Variants in ADCY1 observed in about 807,000 individuals in gnomAD.
The protein encoded by ADCY1 is adenylate cyclase type 1.
Under a neutral mutation model 105.4 loss-of-function variants are expected in ADCY1, and 28 were observed. That is an observed-to-expected ratio of 0.27 (90% CI 0.20 to 0.36). The LOEUF is 0.36. ADCY1 is among the 10% of genes least tolerant of loss of function. The pLI, the probability that ADCY1 is intolerant of heterozygous loss-of-function variation, is 1.00. For synonymous variants in ADCY1, 655 were observed against 623.8 expected, an observed-to-expected ratio of 1.05 and a Z score of -0.75; for missense variants, 977 against 1,434.2, an observed-to-expected ratio of 0.68 and a Z score of 5.15.
intron 1 of ADCY1, among the ~76,000 whole-genome samples, chr7:45,582,775 C>T (rs1792598951): frequency 6.6e-6 from 1 of 152,176 alleles, no homozygotes; most frequent in Non-Finnish European, 1.5e-5. Context: ...GTCCTCCTAC[C>T]CCATGTGTGT....
chr7:45,714,139 A>G lies in ADCY1; in HGVS notation c.*144A>G, dbSNP rs969204563. 11 of 604,562 alleles carry G rather than the reference A, an allele frequency of 1.8e-5. No homozygotes were observed. The highest frequency in any genetic ancestry group is 8.2e-5 in the East Asian group (3 of 36,406). The allele number at this position is 604,562 out of a possible 1,614,324, so 37.4% of individuals were successfully genotyped here. A position where few individuals can be genotyped will look rare whatever the true frequency, so the allele number is the denominator to read the frequency against. On this transcript the variant is annotated 3_prime_UTR_variant, in exon 20 of 20. Coordinates refer to ENST00000297323, the MANE Select transcript of ADCY1 (RefSeq NM_021116.4). ...GGTGGAGGAGGAGCATTGTCCAGGC[A>G]TGGCCTGTGGCCCGAGGGCCAACCA...
intron 8 of ADCY1, among the ~76,000 whole-genome samples, chr7:45,665,440 C>G (rs1784212611): frequency 6.6e-6 from 1 of 152,234 alleles, no homozygotes; most frequent in African/African-American, 2.4e-5. Flanking sequence ...TTCCAGTTTC[C>G]TAATACCTGG....
rs762759657 is a variant in ADCY1, at chr7:45,610,531, C to T, written c.908+34C>T. Reference sequence around the variant, plus strand: ...GGTGCTGACCCGGCACAGCGGGGAGCCTGGGAAGCTGAGGTGTGGAGATAA... The same window carrying T: ...GGTGCTGACCCGGCACAGCGGGGAGTCTGGGAAGCTGAGGTGTGGAGATAA... On this transcript the variant is annotated intron_variant, in intron 3 of 19. Coordinates refer to ENST00000297323, the MANE Select transcript of ADCY1 (RefSeq NM_021116.4). 2.5e-6 allele frequency: 4 copies of T among 1,576,338 alleles called. No homozygotes were observed. The East Asian group carries it at 6.7e-5, about 27-fold the overall frequency.
At chr7:45,641,664 C>T (rs970139095) in intron 4 of ADCY1, among the ~76,000 whole-genome samples, 4 of 151,858 alleles carry the variant, frequency 2.6e-5, no homozygotes, top group South Asian at 2.1e-4. Context: ...CGGTGGCTCA[C>T]GCCTGTAATC....
At chr7:45,599,632 G>GTT (rs113156682) in intron 2 of ADCY1, among the ~76,000 whole-genome samples, 25 of 141,826 alleles carry the variant, frequency 1.8e-4, no homozygotes, top group African/African-American at 3.4e-4. Context: ...TGCCATATCT[G>GTT]TTTTTTTTTT....
At chr7:45,613,575 G>A (rs1286090661) in intron 3 of ADCY1, among the ~76,000 whole-genome samples, 3 of 151,958 alleles carry the variant, frequency 2.0e-5, no homozygotes, top group Non-Finnish European at 4.4e-5. Flanking sequence ...TTACATATAT[G>A]ATGTAAAAAT....
At chr7:45,652,290 T>C (rs117594415) in intron 5 of ADCY1, among the ~76,000 whole-genome samples, 2,023 of 152,290 alleles carry the variant, frequency 0.013, 22 homozygotes, top group Non-Finnish European at 0.019. Context: ...CCAAATCATA[T>C]CAGGATGGTT....
At chr7:45,658,488 G>A (rs370155147) in intron 6 of ADCY1, among the ~76,000 whole-genome samples, 6 of 152,110 alleles carry the variant, frequency 3.9e-5, no homozygotes, top group Non-Finnish European at 5.9e-5. Flanking sequence ...GTATGATCTC[G>A]CAGTGGCTAT....
chr7:45,583,296 T>C (rs964133265), intron 1 of ADCY1, among the ~76,000 whole-genome samples: 5 of 152,154 alleles, frequency 3.3e-5, no homozygotes, highest in Non-Finnish European at 7.3e-5. Flanking sequence ...AGAGCATTGG[T>C]AACATTTAGA....
chr7:45,574,685 C>G lies in ADCY1; in HGVS notation c.142C>G (p.Leu48Val). ...EEFACPELEA[L>V]FRGYTLRLEQ... ...GTTCGCTTGCCCAGAGCTGGAGGCG[C>G]TGTTCCGCGGCTACACGCTGCGGCT... is the stretch of plus-strand genomic sequence containing the variant. Residue 48 changes from leucine (L) to valine (V), a missense_variant, in exon 1 of 20, where the codon CTG (leucine) becomes GTG (valine). Physicochemically the swap from Leu to Val is conservative, Grantham distance 32. Around this residue, in one of 7 missense-constraint regions of ADCY1, gnomAD observed 209 missense variants for 222.5 expected, o/e 0.94. Transcript: ENST00000297323. The surrounding 1 kb of genome is among the most constrained non-coding windows in gnomAD (Gnocchi z 7.0). The G allele has an allele frequency of 2.2e-6, 3 of 1,392,428 alleles. No homozygotes were observed. Among genetic ancestry groups the G allele is most frequent in the Non-Finnish European group, 2.8e-6 (3 of 1,078,000 alleles). The allele number at this position is 1,392,428 out of a possible 1,614,324, so 86.3% of individuals were successfully genotyped here.
At chr7:45,712,525 G>T (rs1456751163) in intron 19 of ADCY1, among the ~76,000 whole-genome samples, 1 of 152,076 alleles carries the variant, frequency 6.6e-6, no homozygotes, top group Non-Finnish European at 1.5e-5. Context: ...GGCTGCCCAG[G>T]ATATCACCCT....
intron 4 of ADCY1, 26 bp from the exon 5 acceptor site, chr7:45,648,644 A>G: frequency 6.2e-7 from 1 of 1,613,812 alleles, no homozygotes; most frequent in African/African-American, 1.3e-5. Flanking sequence ...GCTGTCTCTT[A>G]CCATGTGCCT....
intron 4 of ADCY1, among the ~76,000 whole-genome samples, chr7:45,633,574 C>A (rs1375390202): frequency 1.3e-5 from 2 of 152,044 alleles, no homozygotes; most frequent in Non-Finnish European, 2.9e-5. Context: ...GAGGCCAAGG[C>A]GGGCGGATCA....
At chr7:45,672,182 C>A (rs150897181) in intron 8 of ADCY1, among the ~76,000 whole-genome samples, 1,739 of 152,180 alleles carry the variant, frequency 0.011, 16 homozygotes, top group Middle Eastern at 0.024. Flanking sequence ...TCTCCAGCAC[C>A]ATTTGTTGAT....
Position 45,699,329 on chromosome 7 carries a change from G to A in ADCY1, c.2455-4047G>A, listed in dbSNP as rs189023739. Among the ~76,000 whole-genome samples the A allele has an allele frequency of 1.8e-4, 28 of 152,330 alleles. No individual in the cohort carries two copies. The East Asian group carries it at 3.5e-3, about 19-fold the overall frequency. On this transcript the variant is annotated intron_variant, in intron 14 of 19. Transcript: ENST00000297323. ...CCAGGGAGGGAGATTTTCATTCAAC[G>A]TATGTTGTCCAGCGGCTTGAGGGTT...
intron 2 of ADCY1, among the ~76,000 whole-genome samples, chr7:45,602,276 A>G (rs1484154191): frequency 6.6e-6 from 1 of 151,826 alleles, no homozygotes; most frequent in Admixed American, 6.6e-5. Flanking sequence ...GGTCCCCCAC[A>G]AGGGTCTAGC....
Position 45,712,024 on chromosome 7 carries a change from T to TTAAATATATATTTTATATAA in ADCY1, c.3057+1374_3057+1375insAATATATATTTTATATAATA, listed in dbSNP as rs1562736160. Among the ~76,000 whole-genome samples the TTAAATATATATTTTATATAA allele has an allele frequency of 6.7e-5, 8 of 119,728 alleles. No homozygotes were observed. In the East Asian group the frequency reaches 1.5e-3, roughly 22 times the overall value. The allele number at this position is 119,728 out of a possible 152,430, so 78.5% of individuals were successfully genotyped here. A position where few individuals can be genotyped will look rare whatever the true frequency, so the allele number is the denominator to read the frequency against. The stretch of plus-strand genomic sequence containing the variant: ...TTATATTAAATATATATTTTATATA[T>TTAAATATATATTTTATATAA]TATACTAAATATATATTTTATATAA... On this transcript the variant is annotated intron_variant, in intron 19 of 19. Coordinates refer to ENST00000297323, the MANE Select transcript of ADCY1 (RefSeq NM_021116.4).
chr7:45,660,457 C>T (rs577883970), intron 7 of ADCY1, among the ~76,000 whole-genome samples: 2 of 152,346 alleles, frequency 1.3e-5, no homozygotes, highest in African/African-American at 4.8e-5. Context: ...CCTTCCTGGG[C>T]CTTCACTGCC....
intron 8 of ADCY1, chr7:45,664,444 C>G (rs1795215894): frequency 6.5e-7 from 1 of 1,531,422 alleles, no homozygotes; most frequent in Non-Finnish European, 8.7e-7. Context: ...CAGCCCTTAT[C>G]CCCCAGGGCA....
Sources: allele counts gnomAD v4.1 joint callset (sites outside exome capture counted in the v4.1 genomes callset), GRCh38; gene constraint gnomAD v4.1.1; regional missense constraint gnomAD v4.1.1; non-coding constraint Gnocchi (gnomAD v3.1); transcripts MANE v1.5; gene names NCBI Gene and HGNC (gene_info 2026-07-23, HGNC 2026-07-21).